Variants in PABPC4L observed in about 807,000 individuals in gnomAD.
PABPC4L encodes the protein polyadenylate-binding protein 4-like.
For synonymous variants in PABPC4L, 169 were observed against 164.1 expected (o/e 1.03, Z -0.23); for missense variants, 452 against 451.4 (o/e 1.00, Z -0.01).
At chr4:134,180,679 C>T in the PABPC4L span, among the ~76,000 whole-genome samples, 11 of 151,046 alleles carry the variant, frequency 7.3e-5, no homozygotes, top group South Asian at 2.3e-3. Flanking sequence ...TAAATACAAG[C>T]AGAAAAGACA....
chr4:134,136,517 TAG>T, the PABPC4L span, among the ~76,000 whole-genome samples: 4 of 152,080 alleles, frequency 2.6e-5, no homozygotes, highest in Non-Finnish European at 5.9e-5. Context: ...TCAATTTTGT[TAG>T]AGTTTTTAAC....
chr4:134,102,657 A>T, the PABPC4L span, among the ~76,000 whole-genome samples: 1 of 151,644 alleles, frequency 6.6e-6, no homozygotes, highest in Non-Finnish European at 1.5e-5. Context: ...TCACGGAAGA[A>T]GTCAATCAGC....
the PABPC4L span, among the ~76,000 whole-genome samples, chr4:134,156,201 T>G: frequency 6.6e-6 from 1 of 151,984 alleles, no homozygotes; most frequent in Admixed American, 6.6e-5. Flanking sequence ...AAGGTCCTCT[T>G]TGTATTTCTA....
the PABPC4L span, among the ~76,000 whole-genome samples, chr4:134,189,888 T>G: frequency 6.6e-6 from 1 of 152,128 alleles, no homozygotes; most frequent in Admixed American, 6.6e-5. Context: ...TCTGGGAAAA[T>G]AGTTTCTCTT....
At chr4:133,984,938 A>G in the PABPC4L span, among the ~76,000 whole-genome samples, 3 of 151,964 alleles carry the variant, frequency 2.0e-5, no homozygotes, top group East Asian at 5.8e-4. Context: ...GGAATTTAAT[A>G]GGACAGCATA....
At chr4:134,169,065 G>A in the PABPC4L span, among the ~76,000 whole-genome samples, 2 of 151,984 alleles carry the variant, frequency 1.3e-5, no homozygotes, top group Non-Finnish European at 2.9e-5. Flanking sequence ...CAAAATACTA[G>A]CAAACTGAAT....
chr4:134,200,312 A>G lies in PABPC4L; in HGVS notation c.708T>C (p.Ser236=). The change falls in exon 2 of 2, where the codon AGT becomes AGC. Residue 236 remains serine, a synonymous_variant. Coordinates refer to ENST00000421491, the MANE Select transcript of PABPC4L (RefSeq NM_001114734.2). ...TCTTGGCAGCCTCATGGCTATCAAA[A>G]CTCACAAAGCCAAAGCCTTTGGATT... is the stretch of plus-strand genomic sequence containing the variant. The part of the protein sequence containing the change: ...SGKSKGFGFV[S]FDSHEAAKKA... The G allele has an allele frequency of 6.3e-7, 1 of 1,592,030 alleles. No homozygotes were observed. Among genetic ancestry groups the G allele is most frequent in the Non-Finnish European group, 8.6e-7 (1 of 1,167,964 alleles).
chr4:134,009,587 G>A, the PABPC4L span, among the ~76,000 whole-genome samples: 1 of 151,978 alleles, frequency 6.6e-6, no homozygotes, highest in Non-Finnish European at 1.5e-5. Flanking sequence ...TTGATAGCTT[G>A]CAGAAGGAAA....
chr4:134,143,358 AT>A, the PABPC4L span, among the ~76,000 whole-genome samples: 1 of 150,178 alleles, frequency 6.7e-6, no homozygotes, highest in Non-Finnish European at 1.5e-5. Flanking sequence ...ATTATGTAAT[AT>A]TTATGCACAT....
the PABPC4L span, among the ~76,000 whole-genome samples, chr4:133,964,858 A>C: frequency 6.6e-6 from 1 of 152,210 alleles, no homozygotes; most frequent in Non-Finnish European, 1.5e-5. Context: ...CACAGCCAAC[A>C]TTATACTGAA....
the PABPC4L span, among the ~76,000 whole-genome samples, chr4:134,049,274 C>T: frequency 2.6e-5 from 4 of 152,150 alleles, no homozygotes; most frequent in African/African-American, 9.6e-5. Flanking sequence ...TCAAAAAACT[C>T]ACACCAATAG....
the PABPC4L span, among the ~76,000 whole-genome samples, chr4:134,016,469 G>A: frequency 6.6e-6 from 1 of 152,138 alleles, no homozygotes; most frequent in Non-Finnish European, 1.5e-5. Context: ...CCATCGCTCA[G>A]GACAATGCTT....
the PABPC4L span, among the ~76,000 whole-genome samples, chr4:134,104,263 T>G: frequency 1.6e-3 from 250 of 151,738 alleles, no homozygotes; most frequent in Non-Finnish European, 2.8e-3. Context: ...CATCAGAGAG[T>G]GCTGATCTTC....
At chr4:134,154,127 A>C in the PABPC4L span, among the ~76,000 whole-genome samples, 1 of 152,106 alleles carries the variant, frequency 6.6e-6, no homozygotes, top group Admixed American at 6.5e-5. Context: ...GTATTCTTAT[A>C]GGAAACATTG....
At chr4:133,994,899 G>A in the PABPC4L span, among the ~76,000 whole-genome samples, 1 of 152,104 alleles carries the variant, frequency 6.6e-6, no homozygotes, top group Non-Finnish European at 1.5e-5. Context: ...ATTGCACTAG[G>A]ACTAATCCCA....
chr4:133,962,410 C>G, the PABPC4L span, among the ~76,000 whole-genome samples: 1 of 152,114 alleles, frequency 6.6e-6, no homozygotes, highest in African/African-American at 2.4e-5. Flanking sequence ...GGAGAAATAT[C>G]CAAGGGAATA....
At chr4:134,052,932 G>A in the PABPC4L span, among the ~76,000 whole-genome samples, 1 of 152,058 alleles carries the variant, frequency 6.6e-6, no homozygotes. Flanking sequence ...CAGATACATA[G>A]TAATTAGGTA....
chr4:134,118,377 A>G, the PABPC4L span, among the ~76,000 whole-genome samples: 2 of 151,844 alleles, frequency 1.3e-5, no homozygotes, highest in Non-Finnish European at 2.9e-5. Context: ...CTCCATTTTC[A>G]TGGTTACATA....
chr4:134,010,134 G>T, the PABPC4L span, among the ~76,000 whole-genome samples: 1 of 151,946 alleles, frequency 6.6e-6, no homozygotes, highest in Non-Finnish European at 1.5e-5. Flanking sequence ...TTTTATACAG[G>T]CAAGTGCATG....
Sources: allele counts gnomAD v4.1 joint callset (sites outside exome capture counted in the v4.1 genomes callset), GRCh38; gene constraint gnomAD v4.1.1; transcripts MANE v1.5; gene names NCBI Gene and HGNC (gene_info 2026-07-23, HGNC 2026-07-21).